MCPH1: variants seen among roughly 807,000 people sequenced by gnomAD.
The protein encoded by MCPH1 is microcephalin.
Under a neutral mutation model 84.5 loss-of-function variants are expected in MCPH1, and 104 were observed. The ratio of observed to expected loss-of-function variants is 1.23; its 90% CI spans 1.05 to 1.45. The LOEUF (loss-of-function observed/expected upper bound fraction) is 1.45. Ranked by LOEUF, MCPH1 falls within the 40% of genes most tolerant of loss-of-function variation. The pLI, the probability that MCPH1 is intolerant of heterozygous loss-of-function variation, is 0.00. For missense variants in MCPH1, 1,498 were observed against 1,005.7 expected (o/e 1.49, Z -6.62); for synonymous variants, 514 against 366.8 (o/e 1.40, Z -4.58).
intron 12 of MCPH1, among the ~76,000 whole-genome samples, chr8:6,601,522 G>GACACACACACAC (rs144757663): frequency 6.9e-5 from 10 of 144,084 alleles, no homozygotes; most frequent in East Asian, 6.2e-4. Flanking sequence ...CATCATATGG[G>GACACACACACAC]ACACACACAC....
chr8:6,496,245 C>T (rs1811211537), intron 11 of MCPH1, among the ~76,000 whole-genome samples: 1 of 152,118 alleles, frequency 6.6e-6, no homozygotes, highest in Non-Finnish European at 1.5e-5. Flanking sequence ...CAACCTAGAT[C>T]CCTCATCTGC....
chr8:6,525,372 G>T (rs1818147841), intron 12 of MCPH1, among the ~76,000 whole-genome samples: 1 of 152,132 alleles, frequency 6.6e-6, no homozygotes, highest in Admixed American at 6.5e-5. Flanking sequence ...AGGGATTACA[G>T]GTGTGTGCCA....
intron 12 of MCPH1, chr8:6,521,544 C>T (rs184043550): frequency 4.5e-6 from 3 of 670,722 alleles, no homozygotes; most frequent in African/African-American, 3.6e-5. Context: ...GTTACCAGAG[C>T]CCTAAGGAAT....
chr8:6,518,321 A>G (rs1460404539), intron 12 of MCPH1, among the ~76,000 whole-genome samples: 1 of 152,240 alleles, frequency 6.6e-6, no homozygotes, highest in Non-Finnish European at 1.5e-5. Flanking sequence ...AAAACCAGAT[A>G]GCAAAAGAGA....
intron 12 of MCPH1, among the ~76,000 whole-genome samples, chr8:6,539,909 A>T (rs4455855): frequency 0.57 from 86,914 of 152,036 alleles, 26,510 homozygotes; most frequent in Non-Finnish European, 0.68. Context: ...ATGAGTGACT[A>T]TCTGATACTG....
At chr8:6,600,146 T>C (rs921584640) in intron 12 of MCPH1, among the ~76,000 whole-genome samples, 1 of 152,270 alleles carries the variant, frequency 6.6e-6, no homozygotes. Context: ...TGGAATTTCT[T>C]GTCCTTTTCC....
chr8:6,407,547 C>A (rs1797917024), intron 1 of MCPH1, among the ~76,000 whole-genome samples: 1 of 152,152 alleles, frequency 6.6e-6, no homozygotes, highest in African/African-American at 2.4e-5. Flanking sequence ...TAGAGTTTGA[C>A]CGTGAGAAAA....
At chr8:6,507,800 C>G (rs1049610425) in intron 12 of MCPH1, 2 of 151,582 alleles carry the variant, frequency 1.3e-5, no homozygotes, top group Non-Finnish European at 2.9e-5. Flanking sequence ...CCAGGCTGGT[C>G]TTGAACTCCT....
intron 12 of MCPH1, among the ~76,000 whole-genome samples, chr8:6,619,934 T>C (rs1831237604): frequency 6.6e-6 from 1 of 152,232 alleles, no homozygotes; most frequent in African/African-American, 2.4e-5. Context: ...TACTTTAAAA[T>C]GAAAGATACT....
At chr8:6,501,239 C>G (rs994093921) in intron 12 of MCPH1, 1 of 152,084 alleles carries the variant, frequency 6.6e-6, no homozygotes, top group Non-Finnish European at 1.5e-5. Flanking sequence ...TGTTCTAAAA[C>G]TACGTCAAGT....
chr8:6,635,385 C>T (rs778778984), intron 13 of MCPH1: 1 of 151,994 alleles, frequency 6.6e-6, no homozygotes, highest in African/African-American at 2.4e-5. Flanking sequence ...ACAGAACAAG[C>T]AATCATGTCA....
intron 12 of MCPH1, among the ~76,000 whole-genome samples, chr8:6,579,112 A>G (rs1012862991): frequency 6.6e-6 from 1 of 152,112 alleles, no homozygotes; most frequent in Admixed American, 6.5e-5. Flanking sequence ...AGGAAGGGAG[A>G]ACGTCTTTCA....
At chr8:6,430,152 C>T (rs570599576) in intron 3 of MCPH1, among the ~76,000 whole-genome samples, 5 of 152,304 alleles carry the variant, frequency 3.3e-5, no homozygotes, top group African/African-American at 1.2e-4. Flanking sequence ...TTCTCTGAAC[C>T]ATACTCGTTA....
intron 13 of MCPH1, 138 bp from the exon 14 acceptor site, chr8:6,642,856 G>C: frequency 1.3e-6 from 1 of 756,122 alleles, no homozygotes; most frequent in South Asian, 1.5e-5. Context: ...GTGCTCTATG[G>C]ACGTGGGGGG....
intron 12 of MCPH1, 193 bp downstream of exon 12, chr8:6,500,122 G>T (rs1811862023): frequency 3.4e-6 from 2 of 589,602 alleles, no homozygotes; most frequent in East Asian, 5.9e-5. Context: ...AGACCATTGT[G>T]CAAAAAGTAG....
chr8:6,642,734 C>G (rs1241082595), intron 13 of MCPH1: 11 of 537,448 alleles, frequency 2.0e-5, no homozygotes, highest in African/African-American at 1.9e-5. Flanking sequence ...GGGAACGTGC[C>G]CTGCATCTAA....
chr8:6,495,198 T>A (rs923538943), intron 11 of MCPH1, among the ~76,000 whole-genome samples: 3 of 152,214 alleles, frequency 2.0e-5, no homozygotes, highest in African/African-American at 7.2e-5. Flanking sequence ...ACTATTGACA[T>A]CCCCAATTTT....
At chr8:6,537,571 AAT>A (rs920888606) in intron 12 of MCPH1, among the ~76,000 whole-genome samples, 3 of 151,198 alleles carry the variant, frequency 2.0e-5, no homozygotes, top group Non-Finnish European at 4.4e-5. Context: ...TGTTTACATT[AAT>A]ATATATATAT....
intron 1 of MCPH1, among the ~76,000 whole-genome samples, chr8:6,408,653 T>C (rs879650109): frequency 3.3e-5 from 5 of 152,088 alleles, no homozygotes; most frequent in South Asian, 2.1e-4. Context: ...CCACCTCAGC[T>C]TCTCCACCCT....
Sources: allele counts gnomAD v4.1 joint callset (sites outside exome capture counted in the v4.1 genomes callset), GRCh38; gene constraint gnomAD v4.1.1; transcripts MANE v1.5; gene names NCBI Gene and HGNC (gene_info 2026-07-23, HGNC 2026-07-21).